ALAS1: variants seen among roughly 807,000 people sequenced by gnomAD.
The protein encoded by ALAS1 is 5'-aminolevulinate synthase 1, also known as 5-aminolevulinate synthase, non-specific, mitochondrial.
A neutral mutation model predicts 59.6 loss-of-function variants in ALAS1; 29 were observed. That is an observed-to-expected ratio of 0.49 (90% CI 0.36 to 0.66). ALAS1 has a LOEUF of 0.66. Ranked by LOEUF, ALAS1 falls within the 30% of genes least tolerant of loss-of-function variation. The pLI, the probability that ALAS1 is intolerant of heterozygous loss-of-function variation, is 0.00. For missense variants in ALAS1, 690 were observed against 807.5 expected (o/e 0.85, Z 1.76); for synonymous variants, 299 against 296.6 (o/e 1.01, Z -0.08).
rs142401935 is a variant in ALAS1, at chr3:52,199,259, C to T, written c.18C>T (p.Arg6=). ...TCCTGAACATGGAGAGTGTTGTTCG[C>T]CGCTGCCCATTCTTATCCCGAGTCC... MESVV[R]RCPFLSRVPQ... Residue 6 remains arginine (R), a synonymous_variant, in exon 3 of 12, where the codon CGC becomes CGT. Transcript: ENST00000484952. The T allele has an allele frequency of 7.4e-6, 12 of 1,614,096 alleles. No homozygotes were observed. The highest frequency in any genetic ancestry group is 1.7e-5 in the Admixed American group (1 of 60,012).
At chr3:52,200,696 A>G (rs1353055237) in intron 3 of ALAS1, among the ~76,000 whole-genome samples, 1 of 152,230 alleles carries the variant, frequency 6.6e-6, no homozygotes. Context: ...AGATCATGCC[A>G]TGTATCTTTA....
At chr3:52,204,661 C>T (rs352166) in intron 5 of ALAS1, 32 bp from the exon 6 acceptor site, 808,361 of 1,577,098 alleles carry the variant, frequency 0.51, 210,280 homozygotes, top group Non-Finnish European at 0.54. Context: ...TTCACAACCA[C>T]CATTCTGTAC....
intron 8 of ALAS1, 39 bp from the exon 9 acceptor site, chr3:52,208,044 G>T: frequency 6.8e-7 from 1 of 1,475,940 alleles, no homozygotes; most frequent in South Asian, 1.4e-5. Context: ...TTTCTGAAGC[G>T]GCAAAAGCTC....
intron 3 of ALAS1, among the ~76,000 whole-genome samples, chr3:52,200,671 G>C (rs1009136455): frequency 1.3e-5 from 2 of 152,182 alleles, no homozygotes; most frequent in African/African-American, 4.8e-5. Context: ...GGGAGGTAGA[G>C]GTTGCAGTGA....
rs967759674 is a variant in ALAS1 at position 52,211,357 on chromosome 3, G to A, written c.1405G>A (p.Ala469Thr). 2.1e-5 allele frequency: 34 copies of A among 1,614,104 alleles called. No homozygotes were observed. Among genetic ancestry groups the A allele is most frequent in the Non-Finnish European group, 2.5e-6 (3 of 1,180,052 alleles). ...GATTGACACCGTACGGTCCTATGCT[G>A]CTGGCTTCATCTTCACCACCTCTCT... ...SLIDTVRSYAAGFIFTTSLPP... is the reference protein window; with the variant it reads ...SLIDTVRSYATGFIFTTSLPP... Residue 469 changes from alanine (A) to threonine (T), a missense_variant, in exon 10 of 12, where the codon GCT (alanine) becomes ACT (threonine). Coordinates refer to ENST00000484952, the MANE Select transcript of ALAS1 (RefSeq NM_000688.6).
chr3:52,210,800 A>G (rs557078591), intron 9 of ALAS1, among the ~76,000 whole-genome samples: 3 of 152,188 alleles, frequency 2.0e-5, no homozygotes, highest in African/African-American at 7.2e-5. Context: ...GGAAGATTAG[A>G]TATCCTTTTA....
chr3:52,211,304 G>A lies in ALAS1; in HGVS notation c.1352G>A (p.Gly451Glu). The change falls in exon 10 of 12, where the codon GGA becomes GAA. Residue 451 changes from glycine to glutamate, a missense_variant. Coordinates refer to ENST00000484952, the MANE Select transcript of ALAS1 (RefSeq NM_000688.6). ...GTLGKAFGCV[G>E]GYIASTSSLI... ...CCAGGCAAAGCCTTTGGTTGTGTTG[G>A]AGGGTACATCGCCAGCACGAGTTCT... 6.2e-7 allele frequency: 1 copy of A among 1,614,020 alleles called. No individual in the cohort carries two copies. Among genetic ancestry groups the A allele is most frequent in the Non-Finnish European group, 8.5e-7 (1 of 1,179,930 alleles).
intron 4 of ALAS1, among the ~76,000 whole-genome samples, chr3:52,203,502 C>T (rs1283619163): frequency 6.6e-6 from 1 of 151,728 alleles, no homozygotes. Flanking sequence ...GATCGTGCCA[C>T]TGCTCTCCAG....
intron 5 of ALAS1, among the ~76,000 whole-genome samples, chr3:52,204,401 G>C (rs1577965119): frequency 6.6e-6 from 1 of 152,332 alleles, no homozygotes; most frequent in East Asian, 1.9e-4. Context: ...ACAAAAAAAT[G>C]TATGGTGAGT....
In ALAS1 at chr3:52,198,830, GCTT is replaced by G. The variant is rs1413421501; in HGVS notation, c.-45_-43del. 6 of 1,535,534 alleles carry G rather than the reference GCTT, an allele frequency of 3.9e-6. No individual in the cohort carries two copies. The highest frequency in any genetic ancestry group is 5.2e-6 in the Non-Finnish European group (6 of 1,146,900). On this transcript the variant is annotated 5_prime_UTR_variant, in exon 2 of 12. Transcript: ENST00000484952. Reference sequence around the variant, plus strand: ...TCTTCCCTGCCTGGATGGATGAGTGGCTTCTTCTCCACCTAGATGTAAGCCAAG... The same window carrying G: ...TCTTCCCTGCCTGGATGGATGAGTGGCTTCTCCACCTAGATGTAAGCCAAG...
intron 8 of ALAS1, among the ~76,000 whole-genome samples, chr3:52,207,576 C>T (rs1699320863): frequency 6.6e-6 from 1 of 151,648 alleles, no homozygotes; most frequent in Non-Finnish European, 1.5e-5. Flanking sequence ...CCAATTATTT[C>T]ATCACCTAGG....
At chr3:52,205,047 C>T in intron 6 of ALAS1, 132 bp downstream of exon 6, 1 of 746,934 alleles carries the variant, frequency 1.3e-6, no homozygotes, top group Admixed American at 2.7e-5. Flanking sequence ...CTATTCTTAG[C>T]TTCTGAAAAA....
intron 4 of ALAS1, 147 bp downstream of exon 4, chr3:52,202,881 T>TA: frequency 1.3e-6 from 1 of 777,388 alleles, no homozygotes; most frequent in South Asian, 1.8e-5. Context: ...GTCTTCAAGA[T>TA]AGACAGTCAA....
rs376223208 is a variant in ALAS1 at position 52,214,200 on chromosome 3, A to G, written c.*20A>G. 32 of 1,571,330 alleles carry G rather than the reference A, an allele frequency of 2.0e-5. No individual in the cohort carries two copies. The highest frequency in any genetic ancestry group is 2.7e-5 in the Non-Finnish European group (31 of 1,146,766). The stretch of plus-strand genomic sequence containing the variant: ...GCCTGAGCATGACCTCAATTATTTC[A>G]CTTAACCCCAGGCCATTATCATATC... On this transcript the variant is annotated 3_prime_UTR_variant, in exon 12 of 12. Transcript: ENST00000484952.
intron 3 of ALAS1, among the ~76,000 whole-genome samples, chr3:52,201,630 C>T (rs952839306): frequency 6.6e-6 from 1 of 152,116 alleles, no homozygotes; most frequent in African/African-American, 2.4e-5. Context: ...CGCAGTAGAA[C>T]ACCTGCAGTC....
Position 52,206,711 on chromosome 3 carries a change from C to G in ALAS1, c.1125C>G (p.Val375=), listed in dbSNP as rs367967930. 5 of 1,614,182 alleles carry G rather than the reference C, an allele frequency of 3.1e-6. No individual in the cohort carries two copies. The highest frequency in any genetic ancestry group is 4.2e-6 in the Non-Finnish European group (5 of 1,180,034). ...TGCTGCAAAGATCTGACCCCTCAGTCCCCAAGATTGTGGCATTTGAAACTG... is the reference window on the plus strand; with the variant it reads ...TGCTGCAAAGATCTGACCCCTCAGTGCCCAAGATTGTGGCATTTGAAACTG... ...RELLQRSDPS[V]PKIVAFETVH... Residue 375 remains valine, a synonymous_variant, in exon 8 of 12, where the codon GTC becomes GTG. Transcript: ENST00000484952.
chr3:52,211,759 A>C (rs1699415177), intron 10 of ALAS1, among the ~76,000 whole-genome samples: 1 of 152,228 alleles, frequency 6.6e-6, no homozygotes, highest in Non-Finnish European at 1.5e-5. Flanking sequence ...CTGGGGCAGA[A>C]GTTCCCTCTC....
chr3:52,199,062 C>A, intron 2 of ALAS1, 148 bp from the exon 3 acceptor site: 1 of 967,398 alleles, frequency 1.0e-6, no homozygotes. Flanking sequence ...CCTTAGCTCA[C>A]ATCAGTGCTG....
At chr3:52,206,504 T>C (rs1699293429) in intron 7 of ALAS1, 68 bp from the exon 8 acceptor site, 4 of 1,521,714 alleles carry the variant, frequency 2.6e-6, no homozygotes, top group Admixed American at 3.6e-5. Flanking sequence ...GAAAAGTCTG[T>C]TGTCTTTCTC....
Sources: gnomAD v4.1 joint callset for allele counts (sites outside exome capture counted in the v4.1 genomes callset) on GRCh38, gnomAD v4.1.1 for gene constraint, MANE v1.5 for transcripts, NCBI Gene and HGNC (gene_info 2026-07-23, HGNC 2026-07-21) for gene names.